The following DNAH11 variants were observed in gnomAD, a reference collection of about 807,000 sequenced individuals.
DNAH11 encodes dynein axonemal heavy chain 11, also known as axonemal beta dynein heavy chain 11.
DNAH11 carries 442 observed loss-of-function variants against 526.0 expected under a neutral mutation model. That is an observed-to-expected ratio of 0.84 (90% CI 0.78 to 0.91). The LOEUF (loss-of-function observed/expected upper bound fraction) is 0.91, where lower values mean the gene tolerates loss of function less well. DNAH11 is among the 40% of genes least tolerant of loss of function. DNAH11 has a pLI of 0.00. For synonymous variants in DNAH11, 2,461 were observed against 1,935.9 expected, an observed-to-expected ratio of 1.27 and a Z score of -7.12; for missense variants, 6,989 against 5,448.7, an observed-to-expected ratio of 1.28 and a Z score of -8.90.
chr7:21,584,051 C>T (rs1310566040), intron 9 of DNAH11, among the ~76,000 whole-genome samples: 1 of 152,120 alleles, frequency 6.6e-6, no homozygotes, highest in African/African-American at 2.4e-5. Context: ...CCAGAAATAC[C>T]ATTTGACCTG....
chr7:21,870,609 C>G (rs186564084), intron 73 of DNAH11, among the ~76,000 whole-genome samples: 79 of 152,248 alleles, frequency 5.2e-4, no homozygotes, highest in African/African-American at 1.8e-3. Context: ...GGAGAGAACA[C>G]TAGGAGGGCT....
intron 54 of DNAH11, among the ~76,000 whole-genome samples, chr7:21,764,622 A>T (rs754375756): frequency 6.6e-6 from 1 of 152,182 alleles, no homozygotes; most frequent in Non-Finnish European, 1.5e-5. Flanking sequence ...GGTGTCTCTG[A>T]TGAACCCTCT....
At chr7:21,756,307 G>A (rs1786636857) in intron 54 of DNAH11, among the ~76,000 whole-genome samples, 1 of 151,952 alleles carries the variant, frequency 6.6e-6, no homozygotes. Flanking sequence ...TTGAAATGAT[G>A]TTTATCTCAT....
intron 75 of DNAH11, 113 bp from the exon 76 acceptor site, chr7:21,884,177 TC>T (rs1784036931): frequency 1.2e-6 from 1 of 858,250 alleles, no homozygotes. Flanking sequence ...CTTTAAATCC[TC>T]CTATTGACGG....
chr7:21,659,076 A>G (rs752068295), intron 30 of DNAH11, 45 bp downstream of exon 30: 1 of 1,426,490 alleles, frequency 7.0e-7, no homozygotes, highest in Non-Finnish European at 9.5e-7. Context: ...GAACTTCAAG[A>G]TGTAAGCTTG....
chr7:21,596,683 G>A (rs1784874430), intron 14 of DNAH11, among the ~76,000 whole-genome samples: 1 of 152,174 alleles, frequency 6.6e-6, no homozygotes, highest in Admixed American at 6.5e-5. Flanking sequence ...GACATGACTA[G>A]AAATCATCAG....
In DNAH11 at chr7:21,803,071, T is replaced by C. The variant is rs146453046; in HGVS notation, c.10165+1796T>C. Among the ~76,000 whole-genome samples, 1,415 of 152,086 alleles carry C rather than the reference T, an allele frequency of 9.3e-3. 36 individuals are homozygous for C. Among genetic ancestry groups the C allele is most frequent in the African/African-American group, 0.03 (1,254 of 41,506 alleles). On this transcript the variant is annotated intron_variant, in intron 62 of 81. Coordinates refer to ENST00000409508, the MANE Select transcript of DNAH11 (RefSeq NM_001277115.2). ...AAGTATAAAGTCTGTAACTACACTA[T>C]TAGAAAGCATATAACATATATATCT...
At chr7:21,544,135 C>T (rs999516453) in intron 1 of DNAH11, among the ~76,000 whole-genome samples, 29 of 152,300 alleles carry the variant, frequency 1.9e-4, no homozygotes, top group African/African-American at 7.0e-4. Context: ...ACAGTTCCCT[C>T]CTTTCTTCTT....
At position 21,600,728 on chromosome 7, in the gene DNAH11, A is replaced by T. The variant is rs1785047056; in HGVS notation, c.3053A>T (p.Asn1018Ile). Residue 1018 changes from asparagine (N) to isoleucine (I), a missense_variant, in exon 16 of 82, where the codon AAC becomes ATC. By Grantham distance (149) the Asn-to-Ile change is moderately radical. Transcript: ENST00000409508. The stretch of plus-strand genomic sequence containing the variant: ...GCAGAGGTCAGGCAGGAGATCATGA[A>T]CAGAGTGGTGAATGTCATCAACAAA... Reference protein sequence around the residue: ...GLAEVRQEIMNRVVNVINKVL... With the variant: ...GLAEVRQEIMIRVVNVINKVL... The T allele has an allele frequency of 6.2e-7, 1 of 1,613,846 alleles. No individual in the cohort carries two copies. The highest frequency in any genetic ancestry group is 8.5e-7 in the Non-Finnish European group (1 of 1,179,806).
At chr7:21,873,250 A>G (rs552742694) in intron 73 of DNAH11, 24 bp from the exon 74 acceptor site, 2 of 1,536,354 alleles carry the variant, frequency 1.3e-6, no homozygotes, top group South Asian at 2.4e-5. Context: ...CTTCACAGGA[A>G]TTATGCACCA....
chr7:21,657,625 A>G (rs1302043300), intron 29 of DNAH11, among the ~76,000 whole-genome samples: 1 of 152,198 alleles, frequency 6.6e-6, no homozygotes, highest in Non-Finnish European at 1.5e-5. Flanking sequence ...TGACTGAATT[A>G]ATGAGGGAAC....
In DNAH11 at chr7:21,808,049, G is replaced by C. The variant is rs1243329120; in HGVS notation, c.10332G>C (p.Lys3444Asn). 3 of 1,517,254 alleles carry C rather than the reference G, an allele frequency of 2.0e-6. No individual in the cohort carries two copies. The highest frequency in any genetic ancestry group is 2.7e-6 in the Non-Finnish European group (3 of 1,118,426). 94.0% of individuals were successfully genotyped at this position (1,517,254 alleles called of 1,614,324 possible). ...AGTGGGTTCCCTTTCTTCAACAGAA[G>C]GTAAGTTCAGTTCCTTACCTTGTCA... ...HCKWVPFLQQ[K>N]VSIPLTEGLD... The change falls in exon 63 of 82, where the codon AAG becomes AAC. Residue 3444 changes from lysine (K) to asparagine (N), a missense_variant and splice_region_variant. Coordinates refer to ENST00000409508, the MANE Select transcript of DNAH11 (RefSeq NM_001277115.2).
At chr7:21,685,066 T>C (rs1434765487) in intron 32 of DNAH11, among the ~76,000 whole-genome samples, 1 of 152,250 alleles carries the variant, frequency 6.6e-6, no homozygotes. Context: ...CATAGTAACC[T>C]GCTCATAATC....
intron 40 of DNAH11, among the ~76,000 whole-genome samples, chr7:21,709,042 G>T (rs1466052364): frequency 2.0e-5 from 3 of 152,150 alleles, no homozygotes. Context: ...ATTTAAAACG[G>T]AACTACCGTT....
intron 9 of DNAH11, 135 bp from the exon 10 acceptor site, chr7:21,587,929 C>A: frequency 1.4e-6 from 1 of 740,492 alleles, no homozygotes; most frequent in Non-Finnish European, 2.0e-6. Context: ...ATACATTTTA[C>A]ATTTTGAAGC....
intron 65 of DNAH11, among the ~76,000 whole-genome samples, chr7:21,819,947 G>C (rs1382708723): frequency 6.6e-6 from 1 of 152,154 alleles, no homozygotes; most frequent in African/African-American, 2.4e-5. Context: ...AGGCCAAGAA[G>C]ATTAAAGATA....
intron 80 of DNAH11, 43 bp downstream of exon 80, chr7:21,899,491 C>A: frequency 1.4e-6 from 2 of 1,454,092 alleles, no homozygotes; most frequent in Non-Finnish European, 1.9e-6. Context: ...CACAGGACCA[C>A]AGCCTAACCA....
rs373762766 is a variant in DNAH11 at position 21,801,228 on chromosome 7, A to G, written c.10118A>G (p.Asn3373Ser). The change falls in exon 62 of 82, where the codon AAC becomes AGC. Residue 3373 changes from asparagine (N) to serine (S), a missense_variant. Physicochemically the swap from Asn to Ser is conservative, Grantham distance 46. Transcript: ENST00000409508. The part of the protein sequence containing the change: ...VRCQEEVNQT[N>S]KTIKLANRLV... ...TGTCAAGAAGAGGTGAACCAAACCA[A>G]CAAAACCATCAAATTAGCTAACAGA... 9.3e-6 allele frequency: 15 copies of G among 1,613,810 alleles called. No individual in the cohort carries two copies. The highest frequency in any genetic ancestry group is 5.3e-5 in the African/African-American group (4 of 74,940).
At chr7:21,846,421 T>C (rs1324954898) in intron 66 of DNAH11, among the ~76,000 whole-genome samples, 1 of 152,086 alleles carries the variant, frequency 6.6e-6, no homozygotes, top group Admixed American at 6.6e-5. Flanking sequence ...TGCCGAGAGT[T>C]TTTTTATCAT....
Sources: gnomAD v4.1 joint callset for allele counts (sites outside exome capture counted in the v4.1 genomes callset) on GRCh38, gnomAD v4.1.1 for gene constraint, MANE v1.5 for transcripts, NCBI Gene and HGNC (gene_info 2026-07-23, HGNC 2026-07-21) for gene names.